The following GRM5 variants were observed in gnomAD, a reference collection of about 807,000 sequenced individuals.
GRM5 encodes metabotropic glutamate receptor 5.
GRM5 carries 19 observed loss-of-function variants against 83.1 expected under a neutral mutation model. That is an observed-to-expected ratio of 0.23 (90% CI 0.16 to 0.34). The LOEUF (loss-of-function observed/expected upper bound fraction) is 0.34. GRM5 is among the 10% of genes least tolerant of loss of function. The pLI is 1.00. For missense variants in GRM5, 1,160 were observed against 1,588.3 expected, an observed-to-expected ratio of 0.73 and a Z score of 4.58; for synonymous variants, 675 against 633.6, an observed-to-expected ratio of 1.07 and a Z score of -0.98.
chr11:88,635,107 T>G (rs1459068226), intron 4 of GRM5, among the ~76,000 whole-genome samples: 1 of 152,236 alleles, frequency 6.6e-6, no homozygotes, highest in Non-Finnish European at 1.5e-5. Context: ...ACCTCTTGGC[T>G]ATTGCAGCTA....
intron 1 of GRM5, among the ~76,000 whole-genome samples, chr11:89,055,266 C>A (rs538106633): frequency 1.3e-5 from 2 of 152,344 alleles, no homozygotes; most frequent in South Asian, 4.1e-4. Context: ...CATTTAGCCT[C>A]TCTGAGCCTC....
At chr11:88,890,245 T>A (rs1028624866) in intron 2 of GRM5, among the ~76,000 whole-genome samples, 10 of 152,212 alleles carry the variant, frequency 6.6e-5, no homozygotes, top group Non-Finnish European at 1.0e-4. Context: ...TCCCATAGTA[T>A]CTCCCTCCTT....
intron 3 of GRM5, among the ~76,000 whole-genome samples, chr11:88,798,820 A>AAAAAAC (rs1943333632): frequency 1.5e-5 from 2 of 136,288 alleles, no homozygotes; most frequent in African/African-American, 5.5e-5. Context: ...AAAAAAAAAA[A>AAAAAAC]AAAAAAACAA....
At chr11:88,618,001 T>C (rs1470186752) in intron 4 of GRM5, among the ~76,000 whole-genome samples, 1 of 152,192 alleles carries the variant, frequency 6.6e-6, no homozygotes. Flanking sequence ...AGGCATTGAT[T>C]TGACTCTGGT....
intron 9 of GRM5, among the ~76,000 whole-genome samples, chr11:88,522,706 G>C (rs1941736084): frequency 6.6e-6 from 1 of 150,386 alleles, no homozygotes; most frequent in Non-Finnish European, 1.5e-5. Context: ...AAGATCATTT[G>C]TTCCCAATTA....
rs933303647 is a variant in GRM5, at chr11:88,947,004, G to T, written c.662-96849C>A. Among the ~76,000 whole-genome samples, 110 of 152,168 alleles carry T rather than the reference G, an allele frequency of 7.2e-4. 3 individuals are homozygous for T. The highest frequency in any genetic ancestry group is 2.6e-3 in the African/African-American group (107 of 41,536). On this transcript the variant is annotated intron_variant, in intron 2 of 9. Transcript: ENST00000305447. Reference sequence around the variant, plus strand: ...TCTTTGCATAGGTAGACTCACTGAGGAATCTAACAAGTCTATCAGTAGAAA... The same window carrying T: ...TCTTTGCATAGGTAGACTCACTGAGTAATCTAACAAGTCTATCAGTAGAAA...
At position 88,619,552 on chromosome 11, in the gene GRM5, C is replaced by T. The variant is rs887665465; in HGVS notation, c.1148-14588G>A. On this transcript the variant is annotated intron_variant, in intron 4 of 9. Transcript: ENST00000305447. The stretch of plus-strand genomic sequence containing the variant: ...CAAGAGGACTTCCCTAAAGTCATAC[C>T]TCTAGTTAGTAGCAGCTAGCCTCAG... 5.9e-5 allele frequency among the ~76,000 whole-genome samples: 9 copies of T among 152,238 alleles called. No homozygotes were observed. In the East Asian group the frequency reaches 1.5e-3, roughly 26 times the overall value.
rs370861635 is a variant in GRM5, at chr11:89,037,415, T to G, written c.661+9797A>C. 7.2e-5 allele frequency among the ~76,000 whole-genome samples: 11 copies of G among 151,928 alleles called. No individual in the cohort carries two copies. In the East Asian group the frequency reaches 1.4e-3, roughly 19 times the overall value. On this transcript the variant is annotated intron_variant, in intron 2 of 9. Coordinates refer to ENST00000305447, the MANE Select transcript of GRM5 (RefSeq NM_001143831.3). ...CATTTACCAAAATTATACCAATTAT[T>G]TACATAATTGGTATAATTGTTCAAT...
At chr11:88,828,869 G>C (rs1253958680) in intron 3 of GRM5, among the ~76,000 whole-genome samples, 15 of 151,904 alleles carry the variant, frequency 9.9e-5, no homozygotes, top group African/African-American at 2.4e-5. Context: ...AAATTACAAA[G>C]GGTGGTAATA....
chr11:88,919,774 A>C (rs1459444245), intron 2 of GRM5, among the ~76,000 whole-genome samples: 1 of 152,056 alleles, frequency 6.6e-6, no homozygotes, highest in Non-Finnish European at 1.5e-5. Flanking sequence ...AACACGTGGA[A>C]ATTAAACAAA....
intron 4 of GRM5, among the ~76,000 whole-genome samples, chr11:88,613,747 T>C (rs1938392015): frequency 6.6e-6 from 1 of 152,172 alleles, no homozygotes; most frequent in Admixed American, 6.6e-5. Flanking sequence ...CTAACCATTT[T>C]TAAAGGATCC....
At chr11:88,729,446 T>C (rs1353690200) in intron 3 of GRM5, among the ~76,000 whole-genome samples, 1 of 152,118 alleles carries the variant, frequency 6.6e-6, no homozygotes, top group Admixed American at 6.5e-5. Context: ...AAAATGGCCA[T>C]ATTTCCCAAA....
rs76273338 is a variant in GRM5 at position 88,605,641 on chromosome 11, A to G, written c.1148-677T>C. Among the ~76,000 whole-genome samples, 1,468 of 152,330 alleles carry G rather than the reference A, an allele frequency of 9.6e-3. 17 individuals are homozygous for G. Among genetic ancestry groups the G allele is most frequent in the East Asian group, 0.066 (340 of 5,188 alleles). ...GAGCTTGTACATAAGAAACTTGTCC[A>G]ATAACAGAGATAAATTATGTAAATA... On this transcript the variant is annotated intron_variant, in intron 4 of 9. Coordinates refer to ENST00000305447, the MANE Select transcript of GRM5 (RefSeq NM_001143831.3).
At position 89,047,791 on chromosome 11, in the gene GRM5, C is replaced by T. The variant is rs764553864; in HGVS notation, c.82G>A (p.Val28Met). ...ATGATGTCACCCGGCATGTGAGCCA[C>T]CACCCTCCTCTCACTGGACTGTGCA... Reference protein sequence around the residue: ...GSAQSSERRVVAHMPGDIIIG... With the variant: ...GSAQSSERRVMAHMPGDIIIG... The change falls in exon 2 of 10, where the codon GTG becomes ATG. Residue 28 changes from valine to methionine, a missense_variant. Physicochemically the swap from Val to Met is conservative, Grantham distance 21. Transcript: ENST00000305447. This position sits in a 1 kb window ranked among gnomAD's most constrained non-coding sequence, Gnocchi z 5.1. 3.7e-6 allele frequency: 6 copies of T among 1,613,842 alleles called. No individual in the cohort carries two copies. Among genetic ancestry groups the T allele is most frequent in the Non-Finnish European group, 5.1e-6 (6 of 1,179,766 alleles).
chr11:88,605,747 C>T (rs1341738203), intron 4 of GRM5, among the ~76,000 whole-genome samples: 1 of 152,106 alleles, frequency 6.6e-6, no homozygotes, highest in African/African-American at 2.4e-5. Context: ...AGAAATATCC[C>T]TTCCAATAGA....
chr11:88,615,725 TG>T (rs1302784376), intron 4 of GRM5, among the ~76,000 whole-genome samples: 5 of 151,760 alleles, frequency 3.3e-5, no homozygotes, highest in African/African-American at 1.2e-4. Flanking sequence ...TGGGGCCAGA[TG>T]TGGTTGGTAT....
intron 4 of GRM5, among the ~76,000 whole-genome samples, chr11:88,637,376 A>C (rs1180550020): frequency 6.6e-6 from 1 of 151,614 alleles, no homozygotes; most frequent in Admixed American, 6.6e-5. Context: ...CAACCTACAA[A>C]ATGGGAGAAA....
At chr11:88,609,730 T>A (rs938985745) in intron 4 of GRM5, among the ~76,000 whole-genome samples, 1 of 152,206 alleles carries the variant, frequency 6.6e-6, no homozygotes, top group Non-Finnish European at 1.5e-5. Context: ...AGAAGCCCTT[T>A]GCTTAATTAG....
chr11:88,628,230 T>C (rs1938858747), intron 4 of GRM5, among the ~76,000 whole-genome samples: 1 of 152,210 alleles, frequency 6.6e-6, no homozygotes, highest in Non-Finnish European at 1.5e-5. Flanking sequence ...TTTCTACTTA[T>C]CATGTGTAAC....
Sources: gnomAD v4.1 joint callset for allele counts (sites outside exome capture counted in the v4.1 genomes callset) on GRCh38, gnomAD v4.1.1 for gene constraint, Gnocchi (gnomAD v3.1) non-coding constraint, MANE v1.5 for transcripts, NCBI Gene and HGNC (gene_info 2026-07-23, HGNC 2026-07-21) for gene names.